The following PTPRN2 variants were observed in gnomAD, a reference collection of about 807,000 sequenced individuals.
The protein encoded by PTPRN2 is receptor-type tyrosine-protein phosphatase N2.
A neutral mutation model predicts 118.8 loss-of-function variants in PTPRN2; 74 were observed. The observed-to-expected ratio is 0.62, with a 90% CI of 0.52 to 0.76. PTPRN2 has a LOEUF of 0.76. Ranked by LOEUF, PTPRN2 falls within the 30% of genes least tolerant of loss-of-function variation. PTPRN2 has a pLI of 0.00. For synonymous variants in PTPRN2, 641 were observed against 608.0 expected (o/e 1.05, Z -0.80); for missense variants, 1,481 against 1,394.4 (o/e 1.06, Z -0.99).
chr7:157,540,770 C>T lies in PTPRN2; in HGVS notation c.2992G>A (p.Ala998Thr), dbSNP rs775292746. ...ACCTCCTCAGCCACGGCTGTCAGCG[C>T]GAACTCAAACTGCTCCTGCAGGGCG... ...MVQTKEQFEF[A>T]LTAVAEEVNA... Residue 998 changes from alanine to threonine, a missense_variant, in exon 23 of 23, where the codon GCG becomes ACG. Physicochemically the swap from Ala to Thr is moderately conservative, Grantham distance 58 (BLOSUM62 0). Transcript: ENST00000389418. The T allele has an allele frequency of 1.7e-5, 26 of 1,567,496 alleles. No individual in the cohort carries two copies. The highest frequency in any genetic ancestry group is 1.7e-4 in the Middle Eastern group (1 of 5,966).
intron 6 of PTPRN2, among the ~76,000 whole-genome samples, chr7:158,151,651 G>C (rs1030204709): frequency 6.6e-6 from 1 of 151,272 alleles, no homozygotes; most frequent in African/African-American, 2.4e-5. Context: ...ATACTCCCCC[G>C]CCCCCTCCTT....
At chr7:157,997,634 G>T (rs981731421) in intron 11 of PTPRN2, among the ~76,000 whole-genome samples, 5 of 151,822 alleles carry the variant, frequency 3.3e-5, no homozygotes, top group African/African-American at 1.2e-4. Flanking sequence ...AACGTGGGGG[G>T]AGGCATGACA....
intron 3 of PTPRN2, among the ~76,000 whole-genome samples, chr7:158,238,616 C>T (rs1237858966): frequency 1.3e-5 from 2 of 152,178 alleles, no homozygotes; most frequent in Non-Finnish European, 2.9e-5. Context: ...TTGTCTTAAA[C>T]GGGAACTTCC....
chr7:158,266,899 C>T (rs1266141844), intron 3 of PTPRN2, among the ~76,000 whole-genome samples: 7 of 152,202 alleles, frequency 4.6e-5, no homozygotes, highest in South Asian at 2.1e-4. Context: ...GTTCAGATGC[C>T]GCTGTGGGGC....
In PTPRN2 at chr7:158,026,841, C is replaced by T. The variant is rs571260898; in HGVS notation, c.1723+54457G>A. ...GGCCCCATCAAGAGGCCTGACCACA[C>T]GGCCCTGTCCTCTGCAGGGCTGCGT... On this transcript the variant is annotated intron_variant, in intron 11 of 22. Transcript: ENST00000389418. Among the ~76,000 whole-genome samples, 211 of 152,362 alleles carry T rather than the reference C, an allele frequency of 1.4e-3. 1 individual carries two copies. The highest frequency in any genetic ancestry group is 3.4e-3 in the Middle Eastern group (1 of 294).
chr7:157,684,674 G>A (rs1316405823), intron 12 of PTPRN2, among the ~76,000 whole-genome samples: 1 of 146,282 alleles, frequency 6.8e-6, no homozygotes, highest in African/African-American at 2.5e-5. Flanking sequence ...CCCAGCCCCA[G>A]AGTCCGCCGG....
chr7:158,168,248 T>C (rs1224454703), intron 5 of PTPRN2, among the ~76,000 whole-genome samples: 1 of 152,248 alleles, frequency 6.6e-6, no homozygotes, highest in Non-Finnish European at 1.5e-5. Flanking sequence ...TAGTATGTCC[T>C]GCACCTGGAG....
intron 3 of PTPRN2, among the ~76,000 whole-genome samples, chr7:158,242,773 A>T (rs1477778290): frequency 6.6e-6 from 1 of 152,270 alleles, no homozygotes; most frequent in South Asian, 2.1e-4. Flanking sequence ...TGTGTCTAGG[A>T]AGGGCTCCAT....
At chr7:157,961,658 C>T (rs545721450) in intron 11 of PTPRN2, among the ~76,000 whole-genome samples, 1 of 152,288 alleles carries the variant, frequency 6.6e-6, no homozygotes, top group African/African-American at 2.4e-5. Context: ...ACGGTGTAAT[C>T]TTGGCTTTGT....
At chr7:157,891,339 G>A (rs1480109984) in intron 12 of PTPRN2, among the ~76,000 whole-genome samples, 4 of 151,996 alleles carry the variant, frequency 2.6e-5, no homozygotes, top group Admixed American at 6.6e-5. Flanking sequence ...AGCTGGTTTC[G>A]AACACATCCG....
chr7:158,480,924 A>C (rs1327965016), intron 2 of PTPRN2, among the ~76,000 whole-genome samples: 2 of 152,262 alleles, frequency 1.3e-5, no homozygotes, highest in African/African-American at 4.8e-5. Context: ...GTGCAGCAGC[A>C]AGTGCTGATG....
chr7:158,484,689 T>C (rs1820876942), intron 2 of PTPRN2, among the ~76,000 whole-genome samples: 1 of 152,192 alleles, frequency 6.6e-6, no homozygotes, highest in Non-Finnish European at 1.5e-5. Context: ...AATGAAATCA[T>C]GTCCCCCGTG....
At chr7:157,554,629 C>T (rs1278252135) in intron 21 of PTPRN2, among the ~76,000 whole-genome samples, 3 of 152,196 alleles carry the variant, frequency 2.0e-5, no homozygotes, top group Non-Finnish European at 4.4e-5. Context: ...GAGCAGCTAA[C>T]GAAAGTTAAA....
rs2128843259 is a variant in PTPRN2 at position 157,990,099 on chromosome 7, T to C, written c.1723+91199A>G. ...CTCTATGAAGAAAAATGCAAGTTGC[T>C]CTTCTGCGCTCCAAATACACCGAGA... On this transcript the variant is annotated intron_variant, in intron 11 of 22. Transcript: ENST00000389418. This position sits in a 1 kb window ranked among gnomAD's most constrained non-coding sequence, Gnocchi z 4.3. 6.6e-6 allele frequency among the ~76,000 whole-genome samples: 1 copy of C among 152,052 alleles called. No individual in the cohort carries two copies. The highest frequency in any genetic ancestry group is 2.4e-5 in the African/African-American group (1 of 41,452).
At chr7:158,191,426 C>T (rs1356729617) in intron 5 of PTPRN2, among the ~76,000 whole-genome samples, 5 of 151,926 alleles carry the variant, frequency 3.3e-5, no homozygotes, top group Non-Finnish European at 7.4e-5. Context: ...ATCAAACCCC[C>T]AATGTCCCCA....
intron 6 of PTPRN2, 56 bp from the exon 7 acceptor site, chr7:158,138,571 G>C (rs3752371): frequency 0.31 from 474,909 of 1,533,298 alleles, 75,852 homozygotes; most frequent in East Asian, 0.51. Flanking sequence ...GCAAAGGTGA[G>C]GGCCTCCAGA....
chr7:157,875,843 C>T (rs1175107284), intron 12 of PTPRN2, among the ~76,000 whole-genome samples: 4 of 150,244 alleles, frequency 2.7e-5, no homozygotes, highest in African/African-American at 4.9e-5. Context: ...CCAGGCCAGG[C>T]GTCCCCAGGG....
intron 12 of PTPRN2, among the ~76,000 whole-genome samples, chr7:157,872,276 C>T (rs1275394978): frequency 6.8e-6 from 1 of 146,866 alleles, no homozygotes; most frequent in Admixed American, 6.7e-5. Flanking sequence ...CCCACACACA[C>T]ATACCCAGTG....
In PTPRN2 at chr7:157,882,550, G is replaced by T. The variant is rs1017588143; in HGVS notation, c.1788+16123C>A. Among the ~76,000 whole-genome samples, 3 of 148,942 alleles carry T rather than the reference G, an allele frequency of 2.0e-5. No individual in the cohort carries two copies. In the South Asian group the frequency reaches 6.4e-4, roughly 32 times the overall value. On this transcript the variant is annotated intron_variant, in intron 12 of 22. Transcript: ENST00000389418. ...GACCAGAACATGCCACCCCAAAAAT[G>T]ACTGTTGGAGAACAGAACACCTCAC...
Sources: allele counts gnomAD v4.1 joint callset (sites outside exome capture counted in the v4.1 genomes callset), GRCh38; gene constraint gnomAD v4.1.1; non-coding constraint Gnocchi (gnomAD v3.1); transcripts MANE v1.5; gene names NCBI Gene and HGNC (gene_info 2026-07-23, HGNC 2026-07-21).